Variants in RAPGEF5 observed in about 807,000 individuals in gnomAD.
RAPGEF5 encodes Rap guanine nucleotide exchange factor 5.
A neutral mutation model predicts 125.2 loss-of-function variants in RAPGEF5; 65 were observed. The ratio of observed to expected loss-of-function variants is 0.52; its 90% CI spans 0.43 to 0.64. RAPGEF5 has a LOEUF of 0.64. RAPGEF5 is among the 30% of genes least tolerant of loss of function. RAPGEF5 has a pLI of 0.00. For missense variants in RAPGEF5, 958 were observed against 1,048.1 expected (o/e 0.91, Z 1.19); for synonymous variants, 391 against 385.9 (o/e 1.01, Z -0.16).
chr7:22,176,607 C>T (rs928851926), intron 11 of RAPGEF5, among the ~76,000 whole-genome samples: 4 of 152,176 alleles, frequency 2.6e-5, no homozygotes, highest in African/African-American at 9.7e-5. Flanking sequence ...CTGCTTACTG[C>T]AGCTTCCACT....
chr7:22,160,671 T>G, intron 13 of RAPGEF5, 56 bp from the exon 14 acceptor site: 1 of 1,472,458 alleles, frequency 6.8e-7, no homozygotes, highest in East Asian at 2.6e-5. Context: ...TTGTAGGGAT[T>G]AAGACTCATA....
chr7:22,310,219 G>T, intron 3 of RAPGEF5, 129 bp from the exon 4 acceptor site: 1 of 942,290 alleles, frequency 1.1e-6, no homozygotes, highest in Non-Finnish European at 1.4e-6. Context: ...AAGAATAAAT[G>T]GCATATACCT....
chr7:22,176,128 G>A (rs768427601), intron 11 of RAPGEF5, among the ~76,000 whole-genome samples: 2 of 152,146 alleles, frequency 1.3e-5, no homozygotes, highest in Non-Finnish European at 2.9e-5. Context: ...TGGTGTGTGC[G>A]TGTCAAAGGC....
chr7:22,343,639 G>T (rs144093619), intron 1 of RAPGEF5, among the ~76,000 whole-genome samples: 7 of 152,196 alleles, frequency 4.6e-5, no homozygotes, highest in South Asian at 2.1e-4. Context: ...TCATGGTGAG[G>T]TTACTGTAGA....
At chr7:22,194,901 GT>G in intron 9 of RAPGEF5, 1 of 298,328 alleles carries the variant, frequency 3.4e-6, no homozygotes, top group Non-Finnish European at 5.0e-6. Context: ...CTTCCAGAGT[GT>G]TTAGTGTGAA....
chr7:22,209,593 G>T (rs1336725088), intron 9 of RAPGEF5, among the ~76,000 whole-genome samples: 1 of 152,112 alleles, frequency 6.6e-6, no homozygotes, highest in Non-Finnish European at 1.5e-5. Flanking sequence ...CTTCCAGATG[G>T]GTGTTTAATG....
chr7:22,175,078 A>G (rs967142864), intron 11 of RAPGEF5, among the ~76,000 whole-genome samples: 6 of 152,152 alleles, frequency 3.9e-5, no homozygotes, highest in Admixed American at 3.9e-4. Flanking sequence ...GAAGGAGGAG[A>G]GAAACAGAAT....
chr7:22,169,715 C>T (rs1213893688), intron 11 of RAPGEF5, among the ~76,000 whole-genome samples: 1 of 141,506 alleles, frequency 7.1e-6, no homozygotes, highest in Non-Finnish European at 1.5e-5. Context: ...AAAAAAAAAG[C>T]TGGGTGTGGT....
intron 11 of RAPGEF5, among the ~76,000 whole-genome samples, chr7:22,183,205 G>A (rs1784725669): frequency 7.2e-6 from 1 of 139,252 alleles, no homozygotes; most frequent in Non-Finnish European, 1.5e-5. Flanking sequence ...GGAGGGGGAG[G>A]TTGCAGTGAG....
intron 17 of RAPGEF5, among the ~76,000 whole-genome samples, chr7:22,151,755 C>T (rs1025493607): frequency 1.3e-5 from 2 of 152,188 alleles, no homozygotes; most frequent in African/African-American, 2.4e-5. Context: ...GCAGCCACTG[C>T]ACCCAGTCTG....
chr7:22,298,489 C>T (rs28702730), intron 5 of RAPGEF5: 3,670 of 152,190 alleles, frequency 0.024, 64 homozygotes, highest in Non-Finnish European at 0.038. Flanking sequence ...TTACTGTTTT[C>T]TTTCTCTGAA....
chr7:22,140,138 G>A (rs1285745743), intron 20 of RAPGEF5, 23 bp from the exon 21 acceptor site: 1 of 1,531,330 alleles, frequency 6.5e-7, no homozygotes, highest in Admixed American at 2.0e-5. Context: ...AGAGAGTAGA[G>A]GACACTTTGA....
intron 6 of RAPGEF5, among the ~76,000 whole-genome samples, chr7:22,289,627 G>A (rs1472465641): frequency 7.0e-6 from 1 of 142,254 alleles, no homozygotes; most frequent in Non-Finnish European, 1.5e-5. Context: ...AAACCGAAAA[G>A]TTCTAAATAT....
In RAPGEF5 at chr7:22,164,285, C is replaced by T. The variant is rs139168615; in HGVS notation, c.1284-1744G>A. ...GGTTGAGGTTGCAGCGAGCCATGAT[C>T]GAGCCACTCTACTCCAGCCTAGGTA... On this transcript the variant is annotated intron_variant, in intron 12 of 25. Transcript: ENST00000665637. Among the ~76,000 whole-genome samples the T allele has an allele frequency of 6.5e-3, 994 of 152,202 alleles. 11 individuals are homozygous for T. The highest frequency in any genetic ancestry group is 0.021 in the African/African-American group (883 of 41,526).
intron 11 of RAPGEF5, chr7:22,192,958 T>A (rs950782160): frequency 9.5e-6 from 2 of 209,894 alleles, no homozygotes; most frequent in African/African-American, 4.6e-5. Context: ...TTGTTGACAT[T>A]TCAGCACGGA....
chr7:22,161,474 T>G (rs1470706170), intron 13 of RAPGEF5, among the ~76,000 whole-genome samples: 1 of 150,324 alleles, frequency 6.7e-6, no homozygotes, highest in Non-Finnish European at 1.5e-5. Context: ...GAGTTTGAGG[T>G]TGCAGTGAAC....
At chr7:22,137,234 A>G (rs982149489) in intron 21 of RAPGEF5, among the ~76,000 whole-genome samples, 2 of 152,232 alleles carry the variant, frequency 1.3e-5, no homozygotes, top group African/African-American at 4.8e-5. Context: ...AGTTGGTTAG[A>G]CATTCCACAT....
At chr7:22,162,170 A>G (rs28411164) in intron 13 of RAPGEF5, among the ~76,000 whole-genome samples, 4,476 of 151,192 alleles carry the variant, frequency 0.03, 85 homozygotes, top group Middle Eastern at 0.066. Flanking sequence ...GAATGTTTTG[A>G]TTTACCTTCC....
At chr7:22,254,562 C>G (rs993710121) in intron 7 of RAPGEF5, among the ~76,000 whole-genome samples, 5 of 146,426 alleles carry the variant, frequency 3.4e-5, no homozygotes, top group African/African-American at 1.0e-4. Flanking sequence ...GAGCTGAGAT[C>G]GCGCCATTGC....
Sources: gnomAD v4.1 joint callset for allele counts (sites outside exome capture counted in the v4.1 genomes callset) on GRCh38, gnomAD v4.1.1 for gene constraint, MANE v1.5 for transcripts, NCBI Gene and HGNC (gene_info 2026-07-23, HGNC 2026-07-21) for gene names.